Variants in ROCK1 observed in about 807,000 individuals in gnomAD.
ROCK1 encodes the protein rho-associated protein kinase 1.
A neutral mutation model predicts 196.8 loss-of-function variants in ROCK1; 36 were observed. The ratio of observed to expected loss-of-function variants is 0.18; its 90% CI spans 0.14 to 0.24. ROCK1 has a LOEUF of 0.24. ROCK1 is among the 10% of genes least tolerant of loss of function. ROCK1 has a pLI of 1.00. For missense variants in ROCK1, 920 were observed against 1,562.0 expected (o/e 0.59, Z 6.93); for synonymous variants, 443 against 515.9 (o/e 0.86, Z 1.91).
chr18:21,026,749 T>C (rs564623019), intron 10 of ROCK1, among the ~76,000 whole-genome samples: 30 of 152,248 alleles, frequency 2.0e-4, no homozygotes, highest in Non-Finnish European at 4.0e-4. Context: ...AGATTAGTTA[T>C]AATGACCTCA....
chr18:21,043,713 G>T (rs1182654771), intron 6 of ROCK1, among the ~76,000 whole-genome samples: 2 of 151,382 alleles, frequency 1.3e-5, no homozygotes, highest in Non-Finnish European at 3.0e-5. Flanking sequence ...TATGTTAACT[G>T]AAGTAAAACA....
At chr18:20,985,062 C>T (rs1297540699) in intron 19 of ROCK1, among the ~76,000 whole-genome samples, 1 of 151,752 alleles carries the variant, frequency 6.6e-6, no homozygotes, top group East Asian at 1.9e-4. Flanking sequence ...GATCACGCCA[C>T]TGCACTCCAG....
intron 1 of ROCK1, among the ~76,000 whole-genome samples, chr18:21,100,104 T>C (rs1472009464): frequency 2.1e-5 from 3 of 144,556 alleles, no homozygotes; most frequent in Non-Finnish European, 4.6e-5. Flanking sequence ...TAAAATAAAA[T>C]TACATCAAAA....
intron 2 of ROCK1, among the ~76,000 whole-genome samples, chr18:21,062,983 T>A (rs765906429): frequency 1.3e-5 from 2 of 152,106 alleles, no homozygotes; most frequent in Admixed American, 1.3e-4. Flanking sequence ...AAAAGGAGAA[T>A]GGATACTGTC....
At chr18:20,990,970 G>A (rs1293080913) in intron 18 of ROCK1, among the ~76,000 whole-genome samples, 2 of 151,994 alleles carry the variant, frequency 1.3e-5, no homozygotes. Flanking sequence ...ACATTGGCCA[G>A]GCTGGTCTCA....
intron 13 of ROCK1, among the ~76,000 whole-genome samples, chr18:21,013,886 C>T (rs1268391620): frequency 1.3e-5 from 2 of 151,826 alleles, no homozygotes; most frequent in African/African-American, 4.8e-5. Context: ...ACAGTGAAAC[C>T]CCATCTCTAC....
intron 16 of ROCK1, among the ~76,000 whole-genome samples, chr18:21,002,937 G>A (rs569525121): frequency 5.9e-5 from 9 of 151,886 alleles, no homozygotes; most frequent in Non-Finnish European, 8.8e-5. Context: ...ATGAGGTTTC[G>A]TCATGTTGTT....
chr18:21,068,632 T>A (rs576261362), intron 2 of ROCK1, among the ~76,000 whole-genome samples: 1 of 152,324 alleles, frequency 6.6e-6, no homozygotes, highest in African/African-American at 2.4e-5. Context: ...TCTTCCTTAA[T>A]TTCTGTCTAC....
chr18:21,056,445 A>G (rs1252783941), intron 2 of ROCK1, among the ~76,000 whole-genome samples: 2 of 152,072 alleles, frequency 1.3e-5, no homozygotes, highest in Non-Finnish European at 2.9e-5. Context: ...TACACTCCAC[A>G]TCCTATCTTT....
chr18:20,959,095 TATATATATTATATATATATTATATA>T lies in ROCK1; in HGVS notation c.3512+720_3512+744del, dbSNP rs2035291229. Reference sequence around the variant, plus strand: ...TATATAATATATATATTTTATATAATATATATATTATATATATATTATATAATATATATATTATATATATTATATA... The same window carrying T: ...TATATAATATATATATTTTATATAATATATATATATTATATATATTATATA... On this transcript the variant is annotated intron_variant, in intron 29 of 32. Transcript: ENST00000399799. Among the ~76,000 whole-genome samples the T allele has an allele frequency of 3.2e-4, 6 of 18,628 alleles. No individual in the cohort carries two copies. In the South Asian group the frequency reaches 4.3e-3, roughly 13 times the overall value. The allele number at this position is 18,628 out of a possible 152,430, so 12.2% of individuals were successfully genotyped here. A position where few individuals can be genotyped will look rare whatever the true frequency, so the allele number is the denominator to read the frequency against.
At chr18:21,077,544 T>C (rs1469547292) in intron 1 of ROCK1, among the ~76,000 whole-genome samples, 5 of 150,880 alleles carry the variant, frequency 3.3e-5, no homozygotes, top group South Asian at 4.2e-4. Flanking sequence ...GATGGGGGAG[T>C]AGGGAGGACT....
chr18:21,079,015 T>C (rs2036459817), intron 1 of ROCK1, among the ~76,000 whole-genome samples: 1 of 152,176 alleles, frequency 6.6e-6, no homozygotes, highest in East Asian at 1.9e-4. Flanking sequence ...TGTGCTTTAT[T>C]AGTGCCCCTC....
intron 27 of ROCK1, among the ~76,000 whole-genome samples, chr18:20,966,205 T>C (rs1038062902): frequency 2.0e-5 from 3 of 152,170 alleles, no homozygotes; most frequent in African/African-American, 7.2e-5. Context: ...ATTTCTAAAT[T>C]GAACTTATAG....
chr18:21,110,800 G>A lies in ROCK1; in HGVS notation c.93+18C>T. 4 of 1,603,950 alleles carry A rather than the reference G, an allele frequency of 2.5e-6. No individual in the cohort carries two copies. Among genetic ancestry groups the A allele is most frequent in the South Asian group, 2.2e-5 (2 of 90,858 alleles). On this transcript the variant is annotated intron_variant, in intron 1 of 32. Transcript: ENST00000399799. ...CATGCAAAACCCCAGACAAGCAAAA[G>A]AGAACAGCGCTACTCACCAGCAAAC...
intron 1 of ROCK1, among the ~76,000 whole-genome samples, chr18:21,102,768 A>G (rs1197728679): frequency 6.6e-6 from 1 of 152,124 alleles, no homozygotes; most frequent in Non-Finnish European, 1.5e-5. Context: ...CAAGAGGCTG[A>G]GGCAGAAGAA....
chr18:21,110,699 T>C lies in ROCK1; in HGVS notation c.93+119A>G, dbSNP rs371050746. The stretch of plus-strand genomic sequence containing the variant: ...TCCAAGATTCTTCAGGAAACAGAAA[T>C]CTAGCATTTTCCAAGACGATTATGC... On this transcript the variant is annotated intron_variant, in intron 1 of 32. Transcript: ENST00000399799. 11 of 790,034 alleles carry C rather than the reference T, an allele frequency of 1.4e-5. No homozygotes were observed. The East Asian group carries it at 1.7e-4, about 12-fold the overall frequency. 48.9% of individuals were successfully genotyped at this position (790,034 alleles called of 1,614,324 possible). A position where few individuals can be genotyped will look rare whatever the true frequency, so the allele number is the denominator to read the frequency against.
At chr18:20,965,384 CATACATACATACATACATAT>C (rs1336136404) in intron 27 of ROCK1, among the ~76,000 whole-genome samples, 6 of 137,072 alleles carry the variant, frequency 4.4e-5, no homozygotes, top group South Asian at 2.5e-4. Context: ...GAGACTGTTT[CATACATACATACATACATAT>C]ATACATACAT....
rs148328464 is a variant in ROCK1 at position 21,102,802 on chromosome 18, G to A, written c.93+8016C>T. Among the ~76,000 whole-genome samples the A allele has an allele frequency of 4.9e-4, 75 of 152,106 alleles. 1 individual carries two copies. In the East Asian group the frequency reaches 0.012, roughly 24 times the overall value. ...AATGGCTTCAGCTCGGGAAGTGGAGGCTTCAGTGAGCTGAGATCATGCCAC... is the reference window on the plus strand; with the variant it reads ...AATGGCTTCAGCTCGGGAAGTGGAGACTTCAGTGAGCTGAGATCATGCCAC... On this transcript the variant is annotated intron_variant, in intron 1 of 32. Coordinates refer to ENST00000399799, the MANE Select transcript of ROCK1 (RefSeq NM_005406.3).
chr18:20,983,845 T>A (rs2035554933), intron 20 of ROCK1, among the ~76,000 whole-genome samples: 1 of 152,158 alleles, frequency 6.6e-6, no homozygotes, highest in Non-Finnish European at 1.5e-5. Context: ...ACACAAGACT[T>A]GGCATAAGAT....
Sources: allele counts gnomAD v4.1 joint callset (sites outside exome capture counted in the v4.1 genomes callset), GRCh38; gene constraint gnomAD v4.1.1; transcripts MANE v1.5; gene names NCBI Gene and HGNC (gene_info 2026-07-23, HGNC 2026-07-21).